Variants in CEP83 observed in about 807,000 individuals in gnomAD.
CEP83 encodes the protein centrosomal protein of 83 kDa.
A neutral mutation model predicts 101.9 loss-of-function variants in CEP83; 70 were observed. That is an observed-to-expected ratio of 0.69 (90% confidence interval 0.57 to 0.84). The LOEUF (loss-of-function observed/expected upper bound fraction) is 0.84. Among genes scored for constraint, CEP83 ranks in the 40% least tolerant of loss-of-function variants. CEP83 has a pLI of 0.00. For missense variants in CEP83, 715 were observed against 787.2 expected, an observed-to-expected ratio of 0.91 and a Z score of 1.10; for synonymous variants, 264 against 267.9, an observed-to-expected ratio of 0.99 and a Z score of 0.14.
rs535842551 is a variant in CEP83 at position 94,431,027 on chromosome 12, G to T, written c.-102+4248C>A. On this transcript the variant is annotated intron_variant, in intron 2 of 16. Coordinates refer to ENST00000397809, the MANE Select transcript of CEP83 (RefSeq NM_016122.3). Reference sequence around the variant, plus strand: ...AACAGTAAAAAGAGACAAAGGTCATGATATAATAGTAAGAGGATCAATTCA... The same window carrying T: ...AACAGTAAAAAGAGACAAAGGTCATTATATAATAGTAAGAGGATCAATTCA... Among the ~76,000 whole-genome samples the T allele has an allele frequency of 3.3e-5, 5 of 152,270 alleles. No individual in the cohort carries two copies. The South Asian group carries it at 1.0e-3, about 32-fold the overall frequency.
chr12:94,451,061 A>G (rs559093795), intron 1 of CEP83, among the ~76,000 whole-genome samples: 46 of 152,370 alleles, frequency 3.0e-4, no homozygotes, highest in African/African-American at 9.6e-4. Context: ...TGCCAATACA[A>G]TTGAAGGGAA....
At chr12:94,266,771 A>T in the CEP83 span, among the ~76,000 whole-genome samples, 3 of 152,256 alleles carry the variant, frequency 2.0e-5, no homozygotes, top group African/African-American at 7.2e-5. Flanking sequence ...TTTGAGGATT[A>T]AGAGTCAGTA....
chr12:94,403,915 A>C (rs527709572), intron 4 of CEP83, among the ~76,000 whole-genome samples: 1 of 151,984 alleles, frequency 6.6e-6, no homozygotes, highest in East Asian at 1.9e-4. Context: ...GTTTGCATGT[A>C]TATTAATTTC....
intron 2 of CEP83, chr12:94,424,094 C>G: frequency 6.2e-7 from 1 of 1,608,870 alleles, no homozygotes; most frequent in South Asian, 1.1e-5. Context: ...CTGAGTCACT[C>G]TCTGATACGA....
At chr12:94,279,305 A>G in the CEP83 span, among the ~76,000 whole-genome samples, 4 of 152,230 alleles carry the variant, frequency 2.6e-5, no homozygotes, top group Non-Finnish European at 5.9e-5. Flanking sequence ...TTATCCCTGA[A>G]AAGAATGGAT....
chr12:94,348,501 A>C (rs942991158), intron 11 of CEP83, among the ~76,000 whole-genome samples: 3 of 152,012 alleles, frequency 2.0e-5, no homozygotes. Context: ...GCAACAACAA[A>C]CTATTTCTCA....
At position 94,412,477 on chromosome 12, in the gene CEP83, G is replaced by C; in HGVS notation, c.14C>G (p.Thr5Arg). 6 of 1,611,962 alleles carry C rather than the reference G, an allele frequency of 3.7e-6. No homozygotes were observed. The South Asian group carries it at 5.5e-5, about 15-fold the overall frequency. MVVS[T>R]FTDMDTFPNN... ...GGGAAAAGTGTCCATATCGGTAAAT[G>C]TGCTGACAACCATGTAAAAATAAGT... Residue 5 changes from threonine (T) to arginine (R), a missense_variant, in exon 3 of 17, where the codon ACA becomes AGA. Thr to Arg is a moderately conservative substitution (Grantham distance 71). Coordinates refer to ENST00000397809, the MANE Select transcript of CEP83 (RefSeq NM_016122.3).
At chr12:94,386,740 C>T (rs1356908192) in intron 6 of CEP83, among the ~76,000 whole-genome samples, 1 of 152,150 alleles carries the variant, frequency 6.6e-6, no homozygotes, top group Non-Finnish European at 1.5e-5. Context: ...AAGCAGAAAT[C>T]CCCAGACTAC....
the CEP83 span, among the ~76,000 whole-genome samples, chr12:94,298,976 C>T: frequency 6.6e-6 from 1 of 152,136 alleles, no homozygotes; most frequent in Non-Finnish European, 1.5e-5. Flanking sequence ...ATAAAGGAAA[C>T]CATTCCTATG....
At chr12:94,346,875 T>C (rs2059956825) in intron 11 of CEP83, among the ~76,000 whole-genome samples, 1 of 151,986 alleles carries the variant, frequency 6.6e-6, no homozygotes. Context: ...TTGTCTCTGC[T>C]AAAAATATAA....
Position 94,403,157 on chromosome 12 carries a change from A to T in CEP83, c.417+13T>A, listed in dbSNP as rs201367920. The T allele has an allele frequency of 7.7e-7, 1 of 1,290,806 alleles. No individual in the cohort carries two copies. The highest frequency in any genetic ancestry group is 1.2e-5 in the South Asian group (1 of 83,330). 80.0% of individuals were successfully genotyped at this position (1,290,806 alleles called of 1,614,324 possible). A position where few individuals can be genotyped will look rare whatever the true frequency, so the allele number is the denominator to read the frequency against. ...TGAGGATAAATGCATAGTAAACAAC[A>T]TAAGTTACTTACTTCATCTAGATTC... On this transcript the variant is annotated intron_variant, in intron 5 of 16. Transcript: ENST00000397809.
At chr12:94,283,664 T>C in the CEP83 span, among the ~76,000 whole-genome samples, 8 of 152,272 alleles carry the variant, frequency 5.3e-5, no homozygotes, top group East Asian at 1.5e-3. Context: ...TGCTGATTGG[T>C]CAGGTCAGAG....
chr12:94,382,714 C>T (rs1279112422), intron 6 of CEP83, among the ~76,000 whole-genome samples: 2 of 151,868 alleles, frequency 1.3e-5, no homozygotes, highest in East Asian at 1.9e-4. Context: ...AAAACTCACT[C>T]ATTATGATTT....
chr12:94,454,492 A>G lies in CEP83; in HGVS notation c.-155+5065T>C, dbSNP rs562345313. On this transcript the variant is annotated intron_variant, in intron 1 of 16. Transcript: ENST00000397809. ...ACCAATCAGCACTCTGTAAAAACGG[A>G]CCAATCAGCACTCTGTAAAATGGAC... Among the ~76,000 whole-genome samples, 3 of 152,280 alleles carry G rather than the reference A, an allele frequency of 2.0e-5. No homozygotes were observed. In the East Asian group the frequency reaches 5.8e-4, roughly 29 times the overall value.
Position 94,457,347 on chromosome 12 carries a change from C to T in CEP83, c.-155+2210G>A, listed in dbSNP as rs80163965. ...CAATGTGGGCAATTTACTTATGGAACCTAATATGTATGACAAAATTAAAAG... is the reference window on the plus strand; with the variant it reads ...CAATGTGGGCAATTTACTTATGGAATCTAATATGTATGACAAAATTAAAAG... On this transcript the variant is annotated intron_variant, in intron 1 of 16. Coordinates refer to ENST00000397809, the MANE Select transcript of CEP83 (RefSeq NM_016122.3). Among the ~76,000 whole-genome samples the T allele has an allele frequency of 3.0e-4, 45 of 152,286 alleles. 1 individual carries two copies. Among genetic ancestry groups the T allele is most frequent in the African/African-American group, 1.0e-3 (43 of 41,566 alleles).
Position 94,321,433 on chromosome 12 carries a change from G to A in CEP83, c.1708-8416C>T, listed in dbSNP as rs142801983. On this transcript the variant is annotated intron_variant, in intron 14 of 16. Transcript: ENST00000397809. ...AGAACTAGTGGCCATTTGACACTCCGACCATCTGTGTTGCTAGAGTTCTTC... is the reference window on the plus strand; with the variant it reads ...AGAACTAGTGGCCATTTGACACTCCAACCATCTGTGTTGCTAGAGTTCTTC... Among the ~76,000 whole-genome samples, 150 of 152,270 alleles carry A rather than the reference G, an allele frequency of 9.9e-4. 1 individual carries two copies. Among genetic ancestry groups the A allele is most frequent in the East Asian group, 5.0e-3 (26 of 5,180 alleles).
chr12:94,445,837 C>G (rs1475392396), intron 1 of CEP83, among the ~76,000 whole-genome samples: 1 of 152,192 alleles, frequency 6.6e-6, no homozygotes, highest in Non-Finnish European at 1.5e-5. Context: ...TATTTAAGTG[C>G]ACCACGCAAT....
At chr12:94,394,112 G>GA (rs1268248375) in intron 6 of CEP83, among the ~76,000 whole-genome samples, 5 of 152,104 alleles carry the variant, frequency 3.3e-5, no homozygotes, top group Admixed American at 2.0e-4. Context: ...CACAGAATTG[G>GA]AAAAAACTAC....
At chr12:94,460,102 C>A, upstream of CEP83, 1 of 152,532 alleles carries the variant, frequency 6.6e-6, no homozygotes, top group Non-Finnish European at 1.5e-5. Flanking sequence ...AGCGGCGGGG[C>A]CGGGCTGCGC....
Sources: gnomAD v4.1 joint callset for allele counts (sites outside exome capture counted in the v4.1 genomes callset) on GRCh38, gnomAD v4.1.1 for gene constraint, MANE v1.5 for transcripts, NCBI Gene and HGNC (gene_info 2026-07-23, HGNC 2026-07-21) for gene names.